MARVELD3: variants seen among roughly 807,000 people sequenced by gnomAD.
The protein encoded by MARVELD3 is MARVEL domain-containing protein 3.
MARVELD3 carries 28 observed loss-of-function variants against 33.5 expected under a neutral mutation model. That is an observed-to-expected ratio of 0.84 (90% CI 0.62 to 1.15). The LOEUF (loss-of-function observed/expected upper bound fraction) is 1.15. Among genes scored for constraint, MARVELD3 ranks in the 50% most tolerant of loss-of-function variants. MARVELD3 has a pLI of 0.00. For synonymous variants in MARVELD3, 241 were observed against 230.4 expected, an observed-to-expected ratio of 1.05 and a Z score of -0.42; for missense variants, 582 against 547.6, an observed-to-expected ratio of 1.06 and a Z score of -0.63.
chr16:71,632,220 G>C (rs540717681), intron 2 of MARVELD3, among the ~76,000 whole-genome samples: 1 of 152,182 alleles, frequency 6.6e-6, no homozygotes, highest in Admixed American at 6.5e-5. Flanking sequence ...ACTGCAAAGC[G>C]TCACTAAGGA....
rs1200570786 is a variant in MARVELD3 at position 71,626,350 on chromosome 16, C to G, written c.121C>G (p.Pro41Ala). 2 of 1,548,104 alleles carry G rather than the reference C, an allele frequency of 1.3e-6. No homozygotes were observed. Among genetic ancestry groups the G allele is most frequent in the East Asian group, 4.9e-5 (2 of 40,868 alleles). The change falls in exon 1 of 3, where the codon CCG becomes GCG. Residue 41 changes from proline (P) to alanine (A), a missense_variant. Coordinates refer to ENST00000268485, the MANE Select transcript of MARVELD3 (RefSeq NM_052858.6). This position sits in a 1 kb window ranked among gnomAD's most constrained non-coding sequence, Gnocchi z 5.3. The stretch of plus-strand genomic sequence containing the variant: ...TCGACCGCGGGACCGACCCGGGGAC[C>G]CGCGCAGGAAGCGAAGCAGCGACGG... ...HDRPRDRPGD[P>A]RRKRSSDGNR... is the part of the protein sequence containing the mutation.
intron 1 of MARVELD3, among the ~76,000 whole-genome samples, chr16:71,627,086 C>T (rs1173292554): frequency 6.6e-6 from 1 of 152,222 alleles, no homozygotes; most frequent in East Asian, 1.9e-4. Flanking sequence ...ACCCTTGTCC[C>T]GTGTTCCAGA....
downstream of MARVELD3, chr16:71,638,374 C>T (rs2145286784): frequency 6.6e-6 from 1 of 152,586 alleles, no homozygotes. Flanking sequence ...AGGAACTGAT[C>T]TGAAAACATC....
At chr16:71,640,306 T>TA, downstream of MARVELD3, 2 of 1,464,348 alleles carry the variant, frequency 1.4e-6, no homozygotes, top group East Asian at 2.3e-5. Context: ...ACCACGTCCT[T>TA]AAAATCAGGT....
intron 1 of MARVELD3, among the ~76,000 whole-genome samples, chr16:71,628,071 C>G (rs769260083): frequency 6.6e-6 from 1 of 152,256 alleles, no homozygotes; most frequent in South Asian, 2.1e-4. Flanking sequence ...AGCTCCTATC[C>G]TGAGTTTATG....
chr16:71,640,306 T>A, downstream of MARVELD3: 1 of 1,464,348 alleles, frequency 6.8e-7, no homozygotes, highest in Non-Finnish European at 9.3e-7. Context: ...ACCACGTCCT[T>A]AAAATCAGGT....
rs1047472434 is a variant in MARVELD3 at position 71,629,690 on chromosome 16, G to C, written c.595+196G>C. Reference sequence around the variant, plus strand: ...GAGGAACGTCTCAAAAGTGCTGCTAGATTTCCTGTGCTTCTCCTTAAACAT... The same window carrying C: ...GAGGAACGTCTCAAAAGTGCTGCTACATTTCCTGTGCTTCTCCTTAAACAT... On this transcript the variant is annotated intron_variant, in intron 2 of 2. Transcript: ENST00000268485. 7 of 557,034 alleles carry C rather than the reference G, an allele frequency of 1.3e-5. No homozygotes were observed. In the Admixed American group the frequency reaches 3.1e-4, roughly 25 times the overall value. 34.5% of individuals were successfully genotyped at this position (557,034 alleles called of 1,614,324 possible).
chr16:71,640,966 G>T, downstream of MARVELD3: 1 of 1,613,846 alleles, frequency 6.2e-7, no homozygotes, highest in Non-Finnish European at 8.5e-7. Context: ...TACAAAGGCA[G>T]CCGAGAACAG....
At position 71,627,206 on chromosome 16, in the gene MARVELD3, C is replaced by T. The variant is rs1281548899; in HGVS notation, c.467+510C>T. Among the ~76,000 whole-genome samples, 5 of 152,300 alleles carry T rather than the reference C, an allele frequency of 3.3e-5. No homozygotes were observed. The South Asian group carries it at 6.2e-4, about 19-fold the overall frequency. ...GTGTTACCCCTCCCAGGAATAGGTG[C>T]CTTCAGAAACAGGTGGGCCGGCGCG... On this transcript the variant is annotated intron_variant, in intron 1 of 2. Coordinates refer to ENST00000268485, the MANE Select transcript of MARVELD3 (RefSeq NM_052858.6).
Position 71,635,156 on chromosome 16 carries a change from C to T in MARVELD3, c.*353C>T, listed in dbSNP as rs186973772. The T allele has an allele frequency of 1.7e-4, 137 of 785,334 alleles. No individual in the cohort carries two copies. The East Asian group carries it at 0.011, about 65-fold the overall frequency. The allele number at this position is 785,334 out of a possible 1,614,324, so 48.6% of individuals were successfully genotyped here. A position where few individuals can be genotyped will look rare whatever the true frequency, so the allele number is the denominator to read the frequency against. ...CAGCTTGGCCAACATGGTGAGCCCC[C>T]GTCTCTACTAAAATACAAAAAAATT... On this transcript the variant is annotated 3_prime_UTR_variant, in exon 3 of 3. Transcript: ENST00000268485.
At position 71,626,955 on chromosome 16, in the gene MARVELD3, G is replaced by A; in HGVS notation, c.467+259G>A. 2.4e-6 allele frequency: 1 copy of A among 409,328 alleles called. No individual in the cohort carries two copies. The highest frequency in any genetic ancestry group is 4.3e-6 in the Non-Finnish European group (1 of 235,134). The allele number at this position is 409,328 out of a possible 1,614,324, so 25.4% of individuals were successfully genotyped here. On this transcript the variant is annotated intron_variant, in intron 1 of 2. Coordinates refer to ENST00000268485, the MANE Select transcript of MARVELD3 (RefSeq NM_052858.6). The surrounding 1 kb of genome is among the most constrained non-coding windows in gnomAD (Gnocchi z 5.3). Reference sequence around the variant, plus strand: ...TGGCTGGGCTGGAGGACCTGGAGAAGAGAAAGAGAGGCCCCGGGACCCGAG... The same window carrying A: ...TGGCTGGGCTGGAGGACCTGGAGAAAAGAAAGAGAGGCCCCGGGACCCGAG...
In MARVELD3 at chr16:71,634,409, C is replaced by T; in HGVS notation, c.812C>T (p.Thr271Ile). The change falls in exon 3 of 3, where the codon ACT becomes ATT. Residue 271 changes from threonine (T) to isoleucine (I), a missense_variant. Physicochemically the swap from Thr to Ile is moderately conservative, Grantham distance 89. Transcript: ENST00000268485. ...TACCAGCTAAAGCTGCCCATGGTCA[C>T]TGTGGCAATGGCCTGTAGTGGAGCC... is the stretch of plus-strand genomic sequence containing the variant. ...QFYQLKLPMV[T>I]VAMACSGALT... The T allele has an allele frequency of 1.2e-6, 2 of 1,614,260 alleles. No homozygotes were observed. Among genetic ancestry groups the T allele is most frequent in the Non-Finnish European group, 1.7e-6 (2 of 1,180,054 alleles).
chr16:71,630,987 T>C (rs1331655858), intron 2 of MARVELD3, among the ~76,000 whole-genome samples: 2 of 152,224 alleles, frequency 1.3e-5, no homozygotes, highest in Non-Finnish European at 2.9e-5. Flanking sequence ...TGAGAGCTTA[T>C]AGTTCACATG....
downstream of MARVELD3, chr16:71,638,331 G>A (rs1011921234): frequency 3.3e-5 from 5 of 152,294 alleles, no homozygotes; most frequent in African/African-American, 1.2e-4. Context: ...CAATGAAGTC[G>A]AAGGCCACTT....
chr16:71,629,337 CT>C, intron 1 of MARVELD3, 29 bp from the exon 2 acceptor site: 7 of 1,518,846 alleles, frequency 4.6e-6, no homozygotes, highest in Non-Finnish European at 6.1e-6. Context: ...GAGACACCCC[CT>C]AATGACCATG....
chr16:71,629,523 T>G (rs762640951), intron 2 of MARVELD3, 29 bp downstream of exon 2: 5 of 1,543,384 alleles, frequency 3.2e-6, no homozygotes, highest in Non-Finnish European at 3.5e-6. Context: ...TGTTTGATCA[T>G]TTACTGTCAC....
Position 71,629,413 on chromosome 16 carries a change from C to T in MARVELD3, c.514C>T (p.Arg172Ter), listed in dbSNP as rs768257715. Residue 172 changes from arginine (R) to a stop codon, truncating the protein, a stop_gained, in exon 2 of 3, where the codon CGA (arginine) becomes TGA (stop). Transcript: ENST00000268485. LOFTEE classifies it high-confidence loss of function. ...TCTGCCCTCGACCCCCAGGCCTGGA[C>T]GAGAGGAGGTGGAATATTACCAGTC... ...RYLPSTPRPG[R>*]EEVEYYQSEA... 5.4e-5 allele frequency: 86 copies of T among 1,579,396 alleles called. 1 individual carries two copies. The East Asian group carries it at 1.6e-3, about 30-fold the overall frequency.
chr16:71,640,323 T>G, downstream of MARVELD3: 6 of 1,523,498 alleles, frequency 3.9e-6, no homozygotes, highest in Non-Finnish European at 3.6e-6. Context: ...AGGTGGCCTG[T>G]GGTATGTCTC....
chr16:71,635,002 G>C lies in MARVELD3; in HGVS notation c.*199G>C. The C allele has an allele frequency of 7.4e-7, 1 of 1,349,978 alleles. No homozygotes were observed. The highest frequency in any genetic ancestry group is 9.5e-7 in the Non-Finnish European group (1 of 1,052,198). The allele number at this position is 1,349,978 out of a possible 1,614,324, so 83.6% of individuals were successfully genotyped here. A position where few individuals can be genotyped will look rare whatever the true frequency, so the allele number is the denominator to read the frequency against. On this transcript the variant is annotated 3_prime_UTR_variant, in exon 3 of 3. Transcript: ENST00000268485. Reference sequence around the variant, plus strand: ...GACCCTGGCTTCTGGAGTCCTCTGTGAGTGAGGGACCAATCAAAATTATTT... The same window carrying C: ...GACCCTGGCTTCTGGAGTCCTCTGTCAGTGAGGGACCAATCAAAATTATTT...
Sources: allele counts gnomAD v4.1 joint callset (sites outside exome capture counted in the v4.1 genomes callset), GRCh38; gene constraint gnomAD v4.1.1; non-coding constraint Gnocchi (gnomAD v3.1); transcripts MANE v1.5; gene names NCBI Gene and HGNC (gene_info 2026-07-23, HGNC 2026-07-21).